FBXL17: variants seen among roughly 807,000 people sequenced by gnomAD.
The protein encoded by FBXL17 is F-box/LRR-repeat protein 17.
In FBXL17, 22 loss-of-function variants were observed where a neutral mutation model predicts 66.2. The observed-to-expected ratio is 0.33, with a 90% CI of 0.24 to 0.47. The LOEUF is 0.47. Among genes scored for constraint, FBXL17 ranks in the 20% least tolerant of loss-of-function variants. The pLI is 1.00. For synonymous variants in FBXL17, 474 were observed against 400.5 expected (o/e 1.18, Z -2.19); for missense variants, 878 against 948.2 (o/e 0.93, Z 0.97).
Position 107,948,819 on chromosome 5 carries a change from A to G in FBXL17, c.1823-67640T>C, listed in dbSNP as rs146520859. Among the ~76,000 whole-genome samples, 110 of 152,356 alleles carry G rather than the reference A, an allele frequency of 7.2e-4. 2 individuals are homozygous for G. The Middle Eastern group carries it at 0.014, about 19-fold the overall frequency. On this transcript the variant is annotated intron_variant, in intron 7 of 8. Coordinates refer to ENST00000542267, the MANE Select transcript of FBXL17 (RefSeq NM_001163315.3). ...TGCCACTAAGAAGCAGATCTTGCCTATAAAGTGCTTAAGATAGCTCTTGGT... is the reference window on the plus strand; with the variant it reads ...TGCCACTAAGAAGCAGATCTTGCCTGTAAAGTGCTTAAGATAGCTCTTGGT...
rs550408630 is a variant in FBXL17 at position 108,080,083 on chromosome 5, T to C, written c.1746-59082A>G. 3.2e-3 allele frequency among the ~76,000 whole-genome samples: 485 copies of C among 152,320 alleles called. 3 individuals carry two copies. Among genetic ancestry groups the C allele is most frequent in the African/African-American group, 0.011 (461 of 41,562 alleles). On this transcript the variant is annotated intron_variant, in intron 6 of 8. Transcript: ENST00000542267. ...CTACTGTCTGGAGGCACTAGATTTATTCAGTGTATCCCTGTGACACTGTGA... is the reference window on the plus strand; with the variant it reads ...CTACTGTCTGGAGGCACTAGATTTACTCAGTGTATCCCTGTGACACTGTGA...
chr5:108,216,961 A>T (rs1180065726), intron 5 of FBXL17, among the ~76,000 whole-genome samples: 2 of 152,088 alleles, frequency 1.3e-5, no homozygotes, highest in African/African-American at 4.8e-5. Context: ...GATCCCAGAA[A>T]AAGTTTCTTC....
intron 4 of FBXL17, among the ~76,000 whole-genome samples, chr5:108,230,759 T>G (rs1755299958): frequency 7.5e-6 from 1 of 133,068 alleles, no homozygotes. Flanking sequence ...TCTAAAGGCA[T>G]AAGAATGATA....
Position 108,077,046 on chromosome 5 carries a change from A to G in FBXL17, c.1746-56045T>C, listed in dbSNP as rs187342629. ...CAGAATATCACTTTCTGACAGGTCC[A>G]GGAACCTCAAGTTATTTTGGGACCT... is the stretch of plus-strand genomic sequence containing the variant. On this transcript the variant is annotated intron_variant, in intron 6 of 8. Transcript: ENST00000542267. Among the ~76,000 whole-genome samples the G allele has an allele frequency of 9.2e-3, 1,408 of 152,322 alleles. 7 individuals are homozygous for G. Among genetic ancestry groups the G allele is most frequent in the Non-Finnish European group, 0.013 (861 of 68,036 alleles).
intron 6 of FBXL17, among the ~76,000 whole-genome samples, chr5:108,127,635 T>C (rs1044580625): frequency 7.9e-5 from 12 of 152,140 alleles, no homozygotes; most frequent in African/African-American, 2.9e-4. Flanking sequence ...AGCATGGTAT[T>C]GTTTCCAATT....
In FBXL17 at chr5:108,009,264, TATATATATATA is replaced by T. The variant is rs1175639975; in HGVS notation, c.1822+11650_1822+11660del. 7.5e-3 allele frequency among the ~76,000 whole-genome samples: 83 copies of T among 11,102 alleles called. 2 individuals carry two copies. Among genetic ancestry groups the T allele is most frequent in the African/African-American group, 0.027 (76 of 2,850 alleles). The allele number at this position is 11,102 out of a possible 152,430, so 7.3% of individuals were successfully genotyped here. ...TGGTCGTGAGTTGTTCCCTGTTTTA[TATATATATATA>T]TATATATATATATATATATATATAT... On this transcript the variant is annotated intron_variant, in intron 7 of 8. Transcript: ENST00000542267.
intron 4 of FBXL17, among the ~76,000 whole-genome samples, chr5:108,236,470 G>A (rs1389591827): frequency 8.1e-5 from 12 of 148,040 alleles, no homozygotes; most frequent in East Asian, 2.1e-4. Context: ...CAGAGATCAC[G>A]CTATTGCCCT....
At chr5:108,048,044 G>A (rs568364485) in intron 6 of FBXL17, among the ~76,000 whole-genome samples, 3 of 152,292 alleles carry the variant, frequency 2.0e-5, no homozygotes, top group East Asian at 3.9e-4. Flanking sequence ...GATCCTACTC[G>A]CATCATGTTG....
chr5:108,198,656 CA>C (rs1369744448), intron 5 of FBXL17, among the ~76,000 whole-genome samples: 1 of 152,122 alleles, frequency 6.6e-6, no homozygotes, highest in Non-Finnish European at 1.5e-5. Context: ...AATCAGATCA[CA>C]TTTGTTTTAC....
chr5:108,370,992 G>T (rs1749001197), intron 1 of FBXL17, among the ~76,000 whole-genome samples: 1 of 151,908 alleles, frequency 6.6e-6, no homozygotes, highest in African/African-American at 2.4e-5. Flanking sequence ...TAATCCCCTA[G>T]TATGGAATTC....
chr5:108,372,556 T>C (rs1418979667), intron 1 of FBXL17, among the ~76,000 whole-genome samples: 1 of 151,954 alleles, frequency 6.6e-6, no homozygotes, highest in Non-Finnish European at 1.5e-5. Context: ...AAAAGGACAC[T>C]CAATACAATC....
At chr5:108,212,081 C>T (rs1207362322) in intron 5 of FBXL17, among the ~76,000 whole-genome samples, 3 of 152,152 alleles carry the variant, frequency 2.0e-5, no homozygotes, top group Non-Finnish European at 4.4e-5. Context: ...AGTTGATCTT[C>T]AATCAATGAT....
chr5:108,218,638 A>G (rs1361627304), intron 5 of FBXL17, among the ~76,000 whole-genome samples: 2 of 152,086 alleles, frequency 1.3e-5, no homozygotes, highest in Non-Finnish European at 1.5e-5. Flanking sequence ...GTGTAAGGTG[A>G]TATCTCATTG....
At chr5:108,296,609 G>A (rs1235593503) in intron 4 of FBXL17, among the ~76,000 whole-genome samples, 1 of 151,678 alleles carries the variant, frequency 6.6e-6, no homozygotes, top group Non-Finnish European at 1.5e-5. Context: ...TTGATGTCAG[G>A]AATGGAGAGA....
chr5:107,953,768 T>C (rs1751575415), intron 7 of FBXL17, among the ~76,000 whole-genome samples: 1 of 152,230 alleles, frequency 6.6e-6, no homozygotes, highest in Admixed American at 6.5e-5. Flanking sequence ...ATATAATCAA[T>C]AAGTCTTTGG....
At chr5:108,055,307 AAAAAAAG>A (rs1323494736) in intron 6 of FBXL17, among the ~76,000 whole-genome samples, 10 of 22,122 alleles carry the variant, frequency 4.5e-4, no homozygotes, top group East Asian at 1.6e-3. Flanking sequence ...AAAAAAAAAA[AAAAAAAG>A]AAAAACGCTT....
intron 4 of FBXL17, among the ~76,000 whole-genome samples, chr5:108,254,177 G>C (rs1351005864): frequency 6.6e-6 from 1 of 152,074 alleles, no homozygotes; most frequent in African/African-American, 2.4e-5. Context: ...ATATACTAAA[G>C]AAACTTACTG....
intron 1 of FBXL17, among the ~76,000 whole-genome samples, chr5:108,376,008 T>C (rs1357269897): frequency 6.6e-6 from 1 of 151,946 alleles, no homozygotes; most frequent in East Asian, 1.9e-4. Context: ...AGAATAAAGG[T>C]AAAAAGCAAA....
intron 6 of FBXL17, among the ~76,000 whole-genome samples, chr5:108,080,022 T>C (rs756436190): frequency 6.6e-6 from 1 of 152,188 alleles, no homozygotes; most frequent in Admixed American, 6.5e-5. Flanking sequence ...GTTTCTGTAT[T>C]ACACAGTGCT....
Sources: allele counts gnomAD v4.1 joint callset (sites outside exome capture counted in the v4.1 genomes callset), GRCh38; gene constraint gnomAD v4.1.1; transcripts MANE v1.5; gene names NCBI Gene and HGNC (gene_info 2026-07-23, HGNC 2026-07-21).